TJAP1: variants seen among roughly 807,000 people sequenced by gnomAD.
TJAP1 encodes tight junction associated protein 1.
A neutral mutation model predicts 42.0 loss-of-function variants in TJAP1; 27 were observed. That is an observed-to-expected ratio of 0.64 (90% CI 0.47 to 0.89). TJAP1 has a LOEUF of 0.89. Ranked by LOEUF, TJAP1 falls within the 40% of genes least tolerant of loss-of-function variation. The pLI is 0.00. For missense variants in TJAP1, 712 were observed against 726.9 expected (o/e 0.98, Z 0.24); for synonymous variants, 257 against 288.4 (o/e 0.89, Z 1.10).
intron 7 of TJAP1, 65 bp from the exon 8 acceptor site, chr6:43,502,523 C>T: frequency 6.5e-7 from 1 of 1,541,718 alleles, no homozygotes; most frequent in South Asian, 1.2e-5. Flanking sequence ...AATGCTCACA[C>T]TGTTTCTCTT....
chr6:43,489,214 G>A (rs1162985947), intron 2 of TJAP1, among the ~76,000 whole-genome samples: 3 of 152,220 alleles, frequency 2.0e-5, no homozygotes, highest in Non-Finnish European at 2.9e-5. Context: ...CCCCAGGGTG[G>A]TCTGGAGGCT....
At chr6:43,506,170 A>G (rs1792324804) in exon 11 of TJAP1, 1 of 283,830 alleles carries the variant, frequency 3.5e-6, no homozygotes, top group Admixed American at 5.1e-5. Context: ...TGGGGAGCTG[A>G]GGAGTTTATC....
Position 43,501,707 on chromosome 6 carries a change from GAC to G in TJAP1, c.290+71_290+72del, listed in dbSNP as rs70990192. 0.092 allele frequency: 51,651 copies of G among 559,436 alleles called. 772 individuals are homozygous for G. Among genetic ancestry groups the G allele is most frequent in the East Asian group, 0.13 (3,546 of 26,832 alleles). The allele number at this position is 559,436 out of a possible 1,614,324, so 34.7% of individuals were successfully genotyped here. On this transcript the variant is annotated intron_variant, in intron 6 of 10. Coordinates refer to ENST00000372449, the Ensembl canonical transcript of TJAP1. The stretch of plus-strand genomic sequence containing the variant: ...CCGCAGGTGTGGGAATGAGGGGCCA[GAC>G]ACACACACACACACACACACACACA...
At chr6:43,501,714 ACACAC>A (rs1419840506) in intron 6 of TJAP1, 27 bp downstream of exon 6, 2 of 227,042 alleles carry the variant, frequency 8.8e-6, no homozygotes, top group Non-Finnish European at 2.0e-5. Context: ...CCAGACACAC[ACACAC>A]ACACACACAC....
Position 43,488,905 on chromosome 6 carries a change from G to A in TJAP1, c.-121-8976G>A, listed in dbSNP as rs567229944. On this transcript the variant is annotated intron_variant, in intron 2 of 10. Transcript: ENST00000372449. ...ATTATTGGAAGTGTTTCCTGTCTGC[G>A]TGAATCTTGATCCTAGGCTTGGGAA... is the stretch of plus-strand genomic sequence containing the variant. Among the ~76,000 whole-genome samples, 12 of 152,310 alleles carry A rather than the reference G, an allele frequency of 7.9e-5. No homozygotes were observed. In the South Asian group the frequency reaches 2.1e-3, roughly 26 times the overall value.
At chr6:43,483,872 G>A (rs191980898) in intron 2 of TJAP1, among the ~76,000 whole-genome samples, 78 of 152,028 alleles carry the variant, frequency 5.1e-4, no homozygotes, top group African/African-American at 1.8e-3. Context: ...CAGACTGACT[G>A]AGCAACATAA....
At chr6:43,489,262 T>G (rs1787264706) in intron 2 of TJAP1, among the ~76,000 whole-genome samples, 1 of 152,178 alleles carries the variant, frequency 6.6e-6, no homozygotes, top group Non-Finnish European at 1.5e-5. Flanking sequence ...TGGGAGAGCT[T>G]CTTGCTCTGT....
intron 6 of TJAP1, among the ~76,000 whole-genome samples, chr6:43,502,076 A>ACACACACACACACACACACTCT (rs767085594): frequency 4.4e-5 from 3 of 68,956 alleles, no homozygotes; most frequent in African/African-American, 2.3e-4. Flanking sequence ...ACACACACAC[A>ACACACACACACACACACACTCT]CTCTCTCTCT....
chr6:43,479,102 G>A (rs980218455), intron 2 of TJAP1, among the ~76,000 whole-genome samples: 1 of 152,158 alleles, frequency 6.6e-6, no homozygotes, highest in African/African-American at 2.4e-5. Context: ...GAAAGGAAAG[G>A]GACTGGAGCC....
chr6:43,503,301 A>G (rs1353985647), intron 8 of TJAP1, 100 bp from the exon 9 acceptor site: 11 of 867,666 alleles, frequency 1.3e-5, no homozygotes, highest in South Asian at 4.4e-5. Context: ...TGGCTGCCCT[A>G]GCACCTGTGG....
chr6:43,488,292 C>T (rs1401036281), intron 2 of TJAP1, among the ~76,000 whole-genome samples: 1 of 152,180 alleles, frequency 6.6e-6, no homozygotes, highest in Non-Finnish European at 1.5e-5. Context: ...CCTGTTGGAG[C>T]CGCTGAGGAG....
In TJAP1 at chr6:43,503,704, G is replaced by A. The variant is rs769298918; in HGVS notation, c.577G>A (p.Asp193Asn). ...CCACTTCCGAAACCACAAGTTTGCC[G>A]ATGTGAGTAGAACTCACCCCCTCCC... The change falls in exon 10 of 11, where the codon GAT becomes AAT. Residue 193 changes from aspartate to asparagine, a missense_variant and splice_region_variant. Asp to Asn is a conservative substitution (Grantham distance 23). Around this residue, in one of 3 missense-constraint regions of TJAP1, gnomAD observed 549 missense variants for 528.2 expected, o/e 1.04. Transcript: ENST00000372449. The A allele has an allele frequency of 7.4e-6, 12 of 1,613,906 alleles. No homozygotes were observed. The East Asian group carries it at 8.9e-5, about 12-fold the overall frequency.
rs1406413315 is a variant in TJAP1, at chr6:43,500,227, TC to T, written c.100-515del. On this transcript the variant is annotated intron_variant, in intron 4 of 10. Transcript: ENST00000372449. ...GAGGTTAAAAGACAGACAAGGCACTTCCTCCCCTTAGTCAGGATTAGTCCTC... is the reference window on the plus strand; with the variant it reads ...GAGGTTAAAAGACAGACAAGGCACTTCTCCCCTTAGTCAGGATTAGTCCTC... Among the ~76,000 whole-genome samples, 13 of 152,332 alleles carry T rather than the reference TC, an allele frequency of 8.5e-5. No homozygotes were observed. In the South Asian group the frequency reaches 1.5e-3, roughly 17 times the overall value.
chr6:43,501,604 G>A (rs748305292), exon 6 of TJAP1: 3 of 1,613,974 alleles, frequency 1.9e-6, no homozygotes, highest in Non-Finnish European at 2.5e-6. Flanking sequence ...TGGAACGTGA[G>A]CTGGAAATTG....
At chr6:43,502,094 T>TCC (rs1420309281) in intron 6 of TJAP1, among the ~76,000 whole-genome samples, 189 bp from the exon 7 acceptor site, 1 of 149,984 alleles carries the variant, frequency 6.7e-6, no homozygotes, top group Non-Finnish European at 1.5e-5. Context: ...TCTCTCTCTC[T>TCC]CTCTCTCTCT....
chr6:43,477,595 A>C lies in TJAP1; in HGVS notation c.-301A>C, dbSNP rs1173875539. The C allele has an allele frequency of 6.6e-6, 1 of 152,260 alleles. No homozygotes were observed. Among genetic ancestry groups the C allele is most frequent in the Admixed American group, 6.5e-5 (1 of 15,280 alleles). 9.4% of individuals were successfully genotyped at this position (152,260 alleles called of 1,614,324 possible). ...ACTACCCGGCCTGCCCCGCGGCAAG[A>C]TGGCGGCCTGAACGCAGCTGGCAGC... On this transcript the variant is annotated 5_prime_UTR_variant, in exon 1 of 11. It removes an upstream start codon present in the reference 5' UTR. Coordinates refer to ENST00000372449, the Ensembl canonical transcript of TJAP1.
chr6:43,500,966 T>A (rs1790387995), intron 5 of TJAP1, 194 bp downstream of exon 5: 3 of 647,930 alleles, frequency 4.6e-6, no homozygotes, highest in South Asian at 1.9e-5. Flanking sequence ...TATTGTTCCA[T>A]GGGCTTCAAG....
Position 43,478,080 on chromosome 6 carries a change from C to T in TJAP1, c.-267-7C>T, listed in dbSNP as rs1205411666. On this transcript the variant is annotated splice_polypyrimidine_tract_variant and splice_region_variant and intron_variant, in intron 1 of 10. Transcript: ENST00000372449. Reference sequence around the variant, plus strand: ...GAACTAAAGCCAGTCAAATGACCCTCTTCTAGGCTTAGATCAGCCTTTCCA... The same window carrying T: ...GAACTAAAGCCAGTCAAATGACCCTTTTCTAGGCTTAGATCAGCCTTTCCA... 6.6e-6 allele frequency: 1 copy of T among 152,260 alleles called. No homozygotes were observed. Among genetic ancestry groups the T allele is most frequent in the Admixed American group, 6.5e-5 (1 of 15,280 alleles). 9.4% of individuals were successfully genotyped at this position (152,260 alleles called of 1,614,324 possible). A position where few individuals can be genotyped will look rare whatever the true frequency, so the allele number is the denominator to read the frequency against.
At position 43,500,428 on chromosome 6, in the gene TJAP1, T is replaced by C. The variant is rs115800238; in HGVS notation, c.100-316T>C. On this transcript the variant is annotated intron_variant, in intron 4 of 10. Transcript: ENST00000372449. ...GATACAGGACCCACCAGGAGCCGAG[T>C]GAACAGCTGAGAGGCTGTCTGCCCC... Among the ~76,000 whole-genome samples the C allele has an allele frequency of 4.9e-3, 747 of 152,284 alleles. 5 individuals carry two copies. The highest frequency in any genetic ancestry group is 0.016 in the African/African-American group (680 of 41,550).
Sources: gnomAD v4.1 joint callset for allele counts (sites outside exome capture counted in the v4.1 genomes callset) on GRCh38, gnomAD v4.1.1 for gene constraint, gnomAD v4.1.1 regional missense constraint, MANE v1.5 for transcripts, NCBI Gene and HGNC (gene_info 2026-07-23, HGNC 2026-07-21) for gene names.